Variants in SLC9A7 observed in about 807,000 individuals in gnomAD.
SLC9A7 encodes solute carrier family 9 member A7, also known as sodium/hydrogen exchanger 7.
A neutral mutation model predicts 52.6 loss-of-function variants in SLC9A7; 19 were observed. The ratio of observed to expected loss-of-function variants is 0.36; its 90% CI spans 0.25 to 0.53. The LOEUF (loss-of-function observed/expected upper bound fraction) is 0.53. Among genes scored for constraint, SLC9A7 ranks in the 20% least tolerant of loss-of-function variants. The probability of loss-of-function intolerance (pLI) is 0.91; values close to 1 mark genes in which losing one functional copy is unlikely to be tolerated. For missense variants in SLC9A7, 455 were observed against 597.9 expected (o/e 0.76, Z 2.49); for synonymous variants, 226 against 252.1 (o/e 0.90, Z 0.98).
chrX:46,718,496 C>G (rs1186998983), intron 1 of SLC9A7, among the ~76,000 whole-genome samples: 2 of 112,106 alleles, frequency 1.8e-5, no homozygotes, highest in African/African-American at 6.5e-5. Context: ...AAACCACCAT[C>G]AGAGTGAACA....
intron 1 of SLC9A7, among the ~76,000 whole-genome samples, chrX:46,702,655 G>A (rs1944548998): frequency 8.9e-6 from 1 of 112,146 alleles, no homozygotes; most frequent in Non-Finnish European, 1.9e-5. Context: ...TGGGGTATAT[G>A]TGCCACATTT....
Position 46,662,627 on chromosome X carries a change from T to C in SLC9A7, c.810A>G (p.Ile270Met), listed in dbSNP as rs893117282. ...SATDPVTVLAIFNELHADVDL... is the reference protein window; with the variant it reads ...SATDPVTVLAMFNELHADVDL... ...CCACGTCTGCATGCAATTCATTAAA[T>C]ATCGCCAGCACAGTCACTGAAAAGT... is the stretch of plus-strand genomic sequence containing the variant. The change falls in exon 6 of 17, where the codon ATA becomes ATG. Residue 270 changes from isoleucine (I) to methionine (M), a missense_variant. Around this residue, in one of 3 missense-constraint regions of SLC9A7, gnomAD observed 304 missense variants for 417.8 expected, o/e 0.73. Coordinates refer to ENST00000616978, the MANE Select transcript of SLC9A7 (RefSeq NM_001257291.2). 1 of 1,205,647 alleles carries C rather than the reference T, an allele frequency of 8.3e-7. No homozygotes were observed. Among genetic ancestry groups the C allele is most frequent in the Non-Finnish European group, 1.1e-6 (1 of 891,457 alleles).
At chrX:46,674,622 T>C (rs1312918764) in intron 3 of SLC9A7, among the ~76,000 whole-genome samples, 1 of 111,642 alleles carries the variant, frequency 9.0e-6, no homozygotes, top group African/African-American at 3.3e-5. Flanking sequence ...CAAAGCATCA[T>C]GCTCTCACTG....
intron 5 of SLC9A7, among the ~76,000 whole-genome samples, chrX:46,664,344 G>A (rs1310395587): frequency 1.8e-5 from 2 of 111,839 alleles, no homozygotes; most frequent in East Asian, 5.6e-4. Flanking sequence ...ACTGAGTGTA[G>A]TATTTTTTAT....
intron 1 of SLC9A7, among the ~76,000 whole-genome samples, chrX:46,726,318 C>T (rs1488983256): frequency 9.0e-6 from 1 of 111,711 alleles, no homozygotes; most frequent in Non-Finnish European, 1.9e-5. Flanking sequence ...TATATAAGCA[C>T]TGTTAAATTT....
chrX:46,661,832 A>G (rs1347510715), intron 7 of SLC9A7, among the ~76,000 whole-genome samples, 184 bp downstream of exon 7: 2 of 111,956 alleles, frequency 1.8e-5, no homozygotes, highest in African/African-American at 6.5e-5. Context: ...ACATTTTCTC[A>G]GACTCTCAGC....
chrX:46,749,528 T>C (rs1922079538), intron 1 of SLC9A7, among the ~76,000 whole-genome samples: 1 of 111,655 alleles, frequency 9.0e-6, no homozygotes, highest in African/African-American at 3.3e-5. Context: ...ACTACTCTCA[T>C]GTACGAAGGC....
chrX:46,638,324 C>T (rs988137867), intron 12 of SLC9A7, among the ~76,000 whole-genome samples: 1 of 111,770 alleles, frequency 8.9e-6, no homozygotes, highest in Non-Finnish European at 1.9e-5. Context: ...AAAAATGCAA[C>T]GAGCTGACAC....
rs1485168035 is a variant in SLC9A7 at position 46,599,485 on chromosome X, GTTTTA to G, written c.*7462_*7466del. 2.5e-4 allele frequency: 28 copies of G among 111,961 alleles called. No homozygotes were observed. The highest frequency in any genetic ancestry group is 7.1e-4 in the African/African-American group (22 of 30,827). The allele number at this position is 111,961 out of a possible 1,213,427, so 9.2% of individuals were successfully genotyped here. ...ACAAAATTAGCTCAGCCAGTTAGTT[GTTTTA>G]TTTTGAGTTTTGTTTTTTTAAAAAA... On this transcript the variant is annotated 3_prime_UTR_variant, in exon 17 of 17. Coordinates refer to ENST00000616978, the MANE Select transcript of SLC9A7 (RefSeq NM_001257291.2).
At chrX:46,702,233 CTTCAGATCCACTG>C (rs1459351547) in intron 1 of SLC9A7, among the ~76,000 whole-genome samples, 5 of 111,620 alleles carry the variant, frequency 4.5e-5, no homozygotes, top group African/African-American at 1.6e-4. Context: ...TGGATAATTT[CTTCAGATCCACTG>C]TTCAGTTCAC....
Position 46,643,245 on chromosome X carries a change from A to C in SLC9A7, c.1607T>G (p.Leu536Arg), listed in dbSNP as rs1462183798. Residue 536 changes from leucine (L) to arginine (R), a missense_variant, in exon 12 of 17, where the codon CTT becomes CGT. Leu to Arg is a moderately radical substitution (Grantham distance 102). Around this residue, in one of 3 missense-constraint regions of SLC9A7, gnomAD observed 146 missense variants for 160.5 expected, o/e 0.91. Transcript: ENST00000616978. ...GGGTTPMLSW[L>R]NIRVGVEEPS... The stretch of plus-strand genomic sequence containing the variant: ...TTGGTTCCAAACCAACCTGATGTTA[A>C]GCCATGACAACATGGGTGTCGTGCC... 8.3e-7 allele frequency: 1 copy of C among 1,208,299 alleles called. No individual in the cohort carries two copies. Among genetic ancestry groups the C allele is most frequent in the East Asian group, 3.0e-5 (1 of 33,779 alleles).
intron 15 of SLC9A7, among the ~76,000 whole-genome samples, chrX:46,616,418 T>C (rs1421817469): frequency 9.1e-6 from 1 of 110,427 alleles, no homozygotes; most frequent in Non-Finnish European, 1.9e-5. Flanking sequence ...ATGAATGCTG[T>C]TCTCTGGAGA....
At chrX:46,743,186 T>C (rs1242994982) in intron 1 of SLC9A7, among the ~76,000 whole-genome samples, 4 of 112,204 alleles carry the variant, frequency 3.6e-5, no homozygotes, top group Non-Finnish European at 7.5e-5. Context: ...AAAAAGTTAA[T>C]ATAACAGGCC....
At position 46,643,364 on chromosome X, in the gene SLC9A7, C is replaced by T; in HGVS notation, c.1488G>A (p.Ala496=). 8 of 1,210,380 alleles carry T rather than the reference C, an allele frequency of 6.6e-6. No individual in the cohort carries two copies. Among genetic ancestry groups the T allele is most frequent in the South Asian group, 5.3e-5 (3 of 56,812 alleles). ...FSGLRGAMAF[A]LAIRDTASYA... is the part of the protein sequence containing the mutation. ...AGGATGCCGTGTCACGGATGGCCAACGCAAATGCCATTGCTCCCCTGAGGC... is the reference window on the plus strand; with the variant it reads ...AGGATGCCGTGTCACGGATGGCCAATGCAAATGCCATTGCTCCCCTGAGGC... Residue 496 remains alanine (A), a synonymous_variant, in exon 12 of 17, where the codon GCG becomes GCA. Transcript: ENST00000616978.
At chrX:46,646,852 G>T in intron 11 of SLC9A7, 1 of 331,983 alleles carries the variant, frequency 3.0e-6, no homozygotes, top group Admixed American at 2.9e-5. Flanking sequence ...CATTCCAAAG[G>T]GCAGAGCTCT....
At chrX:46,631,310 T>C (rs1006890579) in intron 14 of SLC9A7, among the ~76,000 whole-genome samples, 5 of 112,099 alleles carry the variant, frequency 4.5e-5, no homozygotes, top group African/African-American at 9.7e-5. Context: ...ATATCCACTA[T>C]TGAAAAGTGG....
chrX:46,706,945 T>C (rs1411502976), intron 1 of SLC9A7, among the ~76,000 whole-genome samples: 2 of 111,230 alleles, frequency 1.8e-5, no homozygotes, highest in African/African-American at 6.6e-5. Context: ...TTCGCCATGT[T>C]GTCCAGGCTG....
At position 46,734,760 on chromosome X, in the gene SLC9A7, C is replaced by A. The variant is rs752684857; in HGVS notation, c.325+23945G>T. Among the ~76,000 whole-genome samples the A allele has an allele frequency of 2.7e-5, 3 of 110,943 alleles. No homozygotes were observed. In the Admixed American group the frequency reaches 2.9e-4, roughly 11 times the overall value. On this transcript the variant is annotated intron_variant, in intron 1 of 16. Transcript: ENST00000616978. ...TTTTATTGAGTTATAATTCACATCC[C>A]ACAAAATTCACTCAATTTAAGCATA...
chrX:46,615,474 C>T lies in SLC9A7; in HGVS notation c.1824-2080G>A, dbSNP rs140327835. ...CCTGTCAGTTTTCTTGTGTCTTTGGCTCAGAAGATGACAGAGGCTCAGATC... is the reference window on the plus strand; with the variant it reads ...CCTGTCAGTTTTCTTGTGTCTTTGGTTCAGAAGATGACAGAGGCTCAGATC... On this transcript the variant is annotated intron_variant, in intron 15 of 16. Coordinates refer to ENST00000616978, the MANE Select transcript of SLC9A7 (RefSeq NM_001257291.2). Among the ~76,000 whole-genome samples, 851 of 110,351 alleles carry T rather than the reference C, an allele frequency of 7.7e-3. 6 individuals are homozygous for T. Among genetic ancestry groups the T allele is most frequent in the African/African-American group, 0.027 (813 of 30,200 alleles).
Sources: gnomAD v4.1 joint callset for allele counts (sites outside exome capture counted in the v4.1 genomes callset) on GRCh38, gnomAD v4.1.1 for gene constraint, gnomAD v4.1.1 regional missense constraint, MANE v1.5 for transcripts, NCBI Gene and HGNC (gene_info 2026-07-23, HGNC 2026-07-21) for gene names.